The following ATP8B4 variants were observed in gnomAD, a reference collection of about 807,000 sequenced individuals.
ATP8B4 encodes probable phospholipid-transporting ATPase IM.
ATP8B4 carries 133 observed loss-of-function variants against 145.6 expected under a neutral mutation model. That is an observed-to-expected ratio of 0.91 (90% confidence interval 0.79 to 1.05). The LOEUF (loss-of-function observed/expected upper bound fraction) is 1.05, where lower values mean the gene tolerates loss of function less well. Among genes scored for constraint, ATP8B4 ranks in the 50% least tolerant of loss-of-function variants. ATP8B4 has a pLI of 0.00. For missense variants in ATP8B4, 1,458 were observed against 1,425.2 expected (o/e 1.02, Z -0.37); for synonymous variants, 507 against 492.9 (o/e 1.03, Z -0.38).
chr15:50,070,104 T>C (rs1305234651), intron 3 of ATP8B4, among the ~76,000 whole-genome samples: 5 of 152,238 alleles, frequency 3.3e-5, no homozygotes, highest in Non-Finnish European at 7.3e-5. Context: ...CTTAGAACCA[T>C]GCCTTTCATA....
chr15:49,893,071 T>A (rs575035982), intron 23 of ATP8B4, among the ~76,000 whole-genome samples: 51 of 152,354 alleles, frequency 3.3e-4, no homozygotes, highest in African/African-American at 1.1e-3. Flanking sequence ...ACAAATGCTC[T>A]CTGGAAAACC....
intron 1 of ATP8B4, among the ~76,000 whole-genome samples, chr15:50,167,090 T>C (rs988539723): frequency 6.6e-6 from 1 of 152,250 alleles, no homozygotes; most frequent in Non-Finnish European, 1.5e-5. Context: ...CAGCCTACTT[T>C]AGGTCCTTGT....
rs1424461563 is a variant in ATP8B4, at chr15:49,985,191, G to A, written c.748+2200C>T. ...AGCTCACTACAAGCTCCACCTCCCA[G>A]GTTCATGCCATTCTCCTACCTCAGC... On this transcript the variant is annotated intron_variant, in intron 10 of 27. Transcript: ENST00000284509. Among the ~76,000 whole-genome samples the A allele has an allele frequency of 4.0e-5, 6 of 151,866 alleles. No individual in the cohort carries two copies. In the East Asian group the frequency reaches 1.2e-3, roughly 29 times the overall value.
intron 6 of ATP8B4, among the ~76,000 whole-genome samples, chr15:50,018,098 A>G (rs7180182): frequency 0.54 from 81,002 of 151,138 alleles, 24,141 homozygotes; most frequent in African/African-American, 0.8. Context: ...AACTATTCTC[A>G]TGCCTCAGCA....
intron 1 of ATP8B4, among the ~76,000 whole-genome samples, chr15:50,131,040 G>GAGAAGA (rs1489309185): frequency 3.3e-5 from 5 of 152,020 alleles, no homozygotes; most frequent in Non-Finnish European, 5.9e-5. Context: ...CAGCAGGAAG[G>GAGAAGA]AGAAGTGCCT....
chr15:49,862,680 G>A lies in ATP8B4; in HGVS notation c.3167-305C>T, dbSNP rs766210750. 1.4e-4 allele frequency among the ~76,000 whole-genome samples: 22 copies of A among 152,102 alleles called. No individual in the cohort carries two copies. In the East Asian group the frequency reaches 2.5e-3, roughly 17 times the overall value. On this transcript the variant is annotated intron_variant, in intron 26 of 27. Coordinates refer to ENST00000284509, the MANE Select transcript of ATP8B4 (RefSeq NM_024837.4). Reference sequence around the variant, plus strand: ...TCACCATGTTAGCCAGGATGGTCTCGATCTGACCTCATGATCCTCCTGCCT... The same window carrying A: ...TCACCATGTTAGCCAGGATGGTCTCAATCTGACCTCATGATCCTCCTGCCT...
chr15:50,007,483 T>A (rs1170228584), intron 7 of ATP8B4, among the ~76,000 whole-genome samples: 1 of 152,228 alleles, frequency 6.6e-6, no homozygotes, highest in Non-Finnish European at 1.5e-5. Context: ...GCCTCTGTTT[T>A]CTCATCTGTA....
chr15:50,023,779 C>CAAAAAAAAAAAAAAAAAAAAAAAAAAG (rs60030651), intron 6 of ATP8B4, among the ~76,000 whole-genome samples: 2 of 75,056 alleles, frequency 2.7e-5, no homozygotes, highest in Non-Finnish European at 5.1e-5. Flanking sequence ...AGACCAAAGG[C>CAAAAAAAAAAAAAAAAAAAAAAAAAAG]AAAAAAAAAA....
chr15:50,123,587 C>G (rs970595398), upstream of ATP8B4, among the ~76,000 whole-genome samples: 2 of 152,140 alleles, frequency 1.3e-5, no homozygotes, highest in African/African-American at 4.8e-5. Context: ...GACCCCCTAC[C>G]CACAAAATTA....
chr15:50,068,085 C>T (rs1383765145), intron 3 of ATP8B4, among the ~76,000 whole-genome samples: 3 of 152,002 alleles, frequency 2.0e-5, no homozygotes, highest in Non-Finnish European at 4.4e-5. Context: ...CTAAAGAGGC[C>T]CAGTGACCAT....
chr15:50,003,829 G>A (rs1007592514), intron 7 of ATP8B4, among the ~76,000 whole-genome samples: 2 of 152,146 alleles, frequency 1.3e-5, no homozygotes, highest in African/African-American at 4.8e-5. Flanking sequence ...GGGTGGGGCT[G>A]CACTGACACT....
rs775822186 is a variant in ATP8B4, at chr15:50,047,402, T to C, written c.150A>G (p.Glu50=). ...AGGCATTTGCCACTCTTTGGAACTG[T>C]TCAAATAAATTAATTGGCAAGAAGG... ...ILTFLPINLF[E]QFQRVANAYF... is the part of the protein sequence containing the mutation. Residue 50 remains glutamate (E), a synonymous_variant, in exon 4 of 28, where the codon GAA becomes GAG. Coordinates refer to ENST00000284509, the MANE Select transcript of ATP8B4 (RefSeq NM_024837.4). 1 of 1,600,890 alleles carries C rather than the reference T, an allele frequency of 6.2e-7. No individual in the cohort carries two copies. Among genetic ancestry groups the C allele is most frequent in the South Asian group, 1.1e-5 (1 of 90,790 alleles).
intron 14 of ATP8B4, among the ~76,000 whole-genome samples, chr15:49,957,677 G>T (rs2043697929): frequency 6.6e-6 from 1 of 151,868 alleles, no homozygotes; most frequent in Non-Finnish European, 1.5e-5. Context: ...AGAATTGAAT[G>T]AGTCAAAAAA....
chr15:50,088,150 G>C (rs11070748), intron 2 of ATP8B4, among the ~76,000 whole-genome samples: 89,723 of 151,904 alleles, frequency 0.59, 26,556 homozygotes, highest in East Asian at 0.7. Flanking sequence ...CACTTTAGGA[G>C]GCCAAGGCGG....
At chr15:50,090,471 C>T (rs1197345846) in intron 2 of ATP8B4, among the ~76,000 whole-genome samples, 2 of 152,138 alleles carry the variant, frequency 1.3e-5, no homozygotes, top group Non-Finnish European at 2.9e-5. Flanking sequence ...GAAATTAGTG[C>T]CACCCCTGTC....
chr15:49,897,525 A>G lies in ATP8B4; in HGVS notation c.2474-10T>C. The G allele has an allele frequency of 6.6e-7, 1 of 1,506,276 alleles. No homozygotes were observed. Among genetic ancestry groups the G allele is most frequent in the Non-Finnish European group, 8.9e-7 (1 of 1,126,722 alleles). The allele number at this position is 1,506,276 out of a possible 1,614,324, so 93.3% of individuals were successfully genotyped here. A position where few individuals can be genotyped will look rare whatever the true frequency, so the allele number is the denominator to read the frequency against. ...ACACCAATGTGAGCACCTACAAAGG[A>G]AAGAGGAACACTGTCACTCCCAAAA... On this transcript the variant is annotated splice_polypyrimidine_tract_variant and intron_variant, in intron 22 of 27. Coordinates refer to ENST00000284509, the MANE Select transcript of ATP8B4 (RefSeq NM_024837.4).
Position 49,901,108 on chromosome 15 carries a change from A to G in ATP8B4, c.2273T>C (p.Ile758Thr), listed in dbSNP as rs1382140831. The G allele has an allele frequency of 6.2e-7, 1 of 1,612,716 alleles. No individual in the cohort carries two copies. Among genetic ancestry groups the G allele is most frequent in the African/African-American group, 1.3e-5 (1 of 74,862 alleles). The part of the protein sequence containing the change: ...ETITGDYALI[I>T]NGHSLAHALE... ...CAAACTCACCAAACTGTGGCCATTT[A>G]TGATTAAGGCATAATCTCCTGTTAT... Residue 758 changes from isoleucine (I) to threonine (T), a missense_variant, in exon 21 of 28, where the codon ATA (isoleucine) becomes ACA (threonine). Ile to Thr is a moderately conservative substitution (Grantham distance 89). Coordinates refer to ENST00000284509, the MANE Select transcript of ATP8B4 (RefSeq NM_024837.4).
intron 3 of ATP8B4, among the ~76,000 whole-genome samples, chr15:50,072,770 C>T (rs7183408): frequency 0.88 from 132,503 of 150,670 alleles, 58,605 homozygotes; most frequent in East Asian, 0.99. Flanking sequence ...GGACTACAGG[C>T]GCCCACCATC....
At chr15:50,063,630 T>C (rs945105857) in intron 3 of ATP8B4, among the ~76,000 whole-genome samples, 12 of 152,132 alleles carry the variant, frequency 7.9e-5, no homozygotes, top group Non-Finnish European at 1.6e-4. Context: ...ACTGAAAAGA[T>C]AGTACAGTCT....
Sources: gnomAD v4.1 joint callset for allele counts (sites outside exome capture counted in the v4.1 genomes callset) on GRCh38, gnomAD v4.1.1 for gene constraint, MANE v1.5 for transcripts, NCBI Gene and HGNC (gene_info 2026-07-23, HGNC 2026-07-21) for gene names.